The following XPO7 variants were observed in gnomAD, a reference collection of about 807,000 sequenced individuals.
XPO7 encodes exportin-7.
A neutral mutation model predicts 144.3 loss-of-function variants in XPO7; 21 were observed. The observed-to-expected ratio is 0.15, with a 90% CI of 0.10 to 0.21. The LOEUF is 0.21. XPO7 is among the 10% of genes least tolerant of loss of function. The pLI, the probability that XPO7 is intolerant of heterozygous loss-of-function variation, is 1.00. For synonymous variants in XPO7, 580 were observed against 499.6 expected, an observed-to-expected ratio of 1.16 and a Z score of -2.15; for missense variants, 808 against 1,325.8, an observed-to-expected ratio of 0.61 and a Z score of 6.06.
At chr8:21,982,049 A>C (rs1230570043) in intron 10 of XPO7, among the ~76,000 whole-genome samples, 172 bp downstream of exon 10, 1 of 152,222 alleles carries the variant, frequency 6.6e-6, no homozygotes, top group East Asian at 1.9e-4. Flanking sequence ...CACAAGTGCA[A>C]GTAGTGTGGG....
chr8:21,929,124 C>T (rs1810558745), intron 1 of XPO7, among the ~76,000 whole-genome samples: 1 of 152,160 alleles, frequency 6.6e-6, no homozygotes, highest in Non-Finnish European at 1.5e-5. Flanking sequence ...TTCAAGTGCT[C>T]AGTAGCCACA....
In XPO7 at chr8:21,948,354, C is replaced by T. The variant is rs896561452; in HGVS notation, c.19-18503C>T. Among the ~76,000 whole-genome samples, 5 of 152,264 alleles carry T rather than the reference C, an allele frequency of 3.3e-5. No individual in the cohort carries two copies. The East Asian group carries it at 7.7e-4, about 23-fold the overall frequency. On this transcript the variant is annotated intron_variant, in intron 1 of 27. Transcript: ENST00000252512. ...TAGATACACAAAGACCATTGTGTTA[C>T]GGTTGCCTAAGGTATTCAGTACAGT...
At chr8:21,983,556 C>G (rs1812473029) in intron 11 of XPO7, among the ~76,000 whole-genome samples, 1 of 152,144 alleles carries the variant, frequency 6.6e-6, no homozygotes, top group African/African-American at 2.4e-5. Context: ...AGTTCAAAAT[C>G]TGAGTATTCA....
chr8:21,982,451 A>T, intron 10 of XPO7, among the ~76,000 whole-genome samples, 189 bp from the exon 11 acceptor site: 1 of 152,262 alleles, frequency 6.6e-6, no homozygotes, highest in Non-Finnish European at 1.5e-5. Context: ...AGCCCTTCTC[A>T]TTAGATGCTT....
intron 24 of XPO7, among the ~76,000 whole-genome samples, chr8:22,001,444 G>C (rs1384909537): frequency 6.6e-6 from 1 of 152,086 alleles, no homozygotes; most frequent in Admixed American, 6.5e-5. Context: ...TCAGAGTTCT[G>C]TCCACAGGTT....
chr8:21,947,852 A>C (rs1811242428), intron 1 of XPO7, among the ~76,000 whole-genome samples: 1 of 152,226 alleles, frequency 6.6e-6, no homozygotes, highest in Non-Finnish European at 1.5e-5. Flanking sequence ...TAAATAACAA[A>C]AGATTGAGCT....
chr8:21,936,581 T>G (rs1810829190), intron 1 of XPO7, among the ~76,000 whole-genome samples: 1 of 152,254 alleles, frequency 6.6e-6, no homozygotes, highest in Non-Finnish European at 1.5e-5. Flanking sequence ...CTCATTGGTC[T>G]ATCACCTGTT....
intron 1 of XPO7, among the ~76,000 whole-genome samples, chr8:21,924,446 C>G (rs1382980667): frequency 6.6e-6 from 1 of 150,574 alleles, no homozygotes. Flanking sequence ...TGTAGCCCCC[C>G]TCCCCCCCCC....
At chr8:21,952,282 C>G (rs1324010870) in intron 1 of XPO7, among the ~76,000 whole-genome samples, 1 of 151,354 alleles carries the variant, frequency 6.6e-6, no homozygotes, top group East Asian at 1.9e-4. Context: ...TTAGTATCAA[C>G]CCTGTTCTTC....
intron 1 of XPO7, among the ~76,000 whole-genome samples, chr8:21,939,190 A>G (rs1416031014): frequency 6.6e-6 from 1 of 151,526 alleles, no homozygotes; most frequent in African/African-American, 2.4e-5. Flanking sequence ...CATTGTTTTC[A>G]AGCAATAATT....
chr8:21,978,872 T>C (rs1162068089), intron 8 of XPO7, among the ~76,000 whole-genome samples: 1 of 152,200 alleles, frequency 6.6e-6, no homozygotes, highest in Admixed American at 6.5e-5. Context: ...GCTGGTACTT[T>C]CCATTGGTTG....
intron 21 of XPO7, among the ~76,000 whole-genome samples, chr8:21,995,981 G>A (rs184828698): frequency 6.6e-6 from 1 of 152,104 alleles, no homozygotes; most frequent in Admixed American, 6.5e-5. Context: ...ACACCCGGCC[G>A]ATTTTTTGTA....
Position 21,998,742 on chromosome 8 carries a change from G to T in XPO7, c.2346-13G>T, listed in dbSNP as rs760550353. 6.2e-7 allele frequency: 1 copy of T among 1,613,402 alleles called. No homozygotes were observed. The highest frequency in any genetic ancestry group is 8.5e-7 in the Non-Finnish European group (1 of 1,179,576). ...CACCTCTGACTTTTTCTCCTCCTGT[G>T]CTCTCTGCTCAGGTCCCAGCGACTC... On this transcript the variant is annotated splice_polypyrimidine_tract_variant and intron_variant, in intron 21 of 27. Transcript: ENST00000252512.
intron 14 of XPO7, 75 bp from the exon 15 acceptor site, chr8:21,987,709 G>A: frequency 6.6e-7 from 1 of 1,515,610 alleles, no homozygotes; most frequent in Non-Finnish European, 9.1e-7. Flanking sequence ...TTACCCATGA[G>A]TGTGGACAAA....
At chr8:21,958,549 G>T (rs1811614928) in intron 1 of XPO7, among the ~76,000 whole-genome samples, 2 of 151,854 alleles carry the variant, frequency 1.3e-5, no homozygotes, top group South Asian at 4.2e-4. Flanking sequence ...AGCACTCTGT[G>T]GGCCATGTTA....
intron 21 of XPO7, among the ~76,000 whole-genome samples, chr8:21,996,379 C>T (rs974532998): frequency 1.1e-4 from 16 of 152,184 alleles, no homozygotes; most frequent in Admixed American, 6.5e-4. Context: ...TATGCCATTA[C>T]ACTCCAGCCT....
rs1398270128 is a variant in XPO7 at position 21,981,580 on chromosome 8, T to G, written c.958-151T>G. The G allele has an allele frequency of 6.4e-5, 58 of 900,124 alleles. No homozygotes were observed. The East Asian group carries it at 1.5e-3, about 23-fold the overall frequency. 55.8% of individuals were successfully genotyped at this position (900,124 alleles called of 1,614,324 possible). A position where few individuals can be genotyped will look rare whatever the true frequency, so the allele number is the denominator to read the frequency against. ...ACTTTAAAAAATTGTTTCTGAACAT[T>G]ATGCAGACGTATCATTCTGAATCAT... On this transcript the variant is annotated intron_variant, in intron 9 of 27. Coordinates refer to ENST00000252512, the MANE Select transcript of XPO7 (RefSeq NM_015024.5).
intron 2 of XPO7, 60 bp downstream of exon 2, chr8:21,967,063 C>T (rs1484610029): frequency 5.7e-6 from 9 of 1,571,796 alleles, no homozygotes; most frequent in Middle Eastern, 1.9e-4. Context: ...TATTCTGGTT[C>T]TCTGTGTAGG....
intron 7 of XPO7, among the ~76,000 whole-genome samples, chr8:21,977,005 A>AC (rs1411062256): frequency 6.6e-6 from 1 of 152,234 alleles, no homozygotes; most frequent in Non-Finnish European, 1.5e-5. Flanking sequence ...GAGTAATCTC[A>AC]TAGATCCCCC....
Sources: allele counts gnomAD v4.1 joint callset (sites outside exome capture counted in the v4.1 genomes callset), GRCh38; gene constraint gnomAD v4.1.1; transcripts MANE v1.5; gene names NCBI Gene and HGNC (gene_info 2026-07-23, HGNC 2026-07-21).